The following PALM2AKAP2 variants were observed in gnomAD, a reference collection of about 807,000 sequenced individuals.
The protein encoded by PALM2AKAP2 is PALM2 and AKAP2 fusion.
Under a neutral mutation model 71.5 loss-of-function variants are expected in PALM2AKAP2, and 37 were observed. The observed-to-expected ratio is 0.52, with a 90% confidence interval of 0.40 to 0.68. PALM2AKAP2 has a LOEUF of 0.68. PALM2AKAP2 is among the 30% of genes least tolerant of loss of function. The pLI, the probability that PALM2AKAP2 is intolerant of heterozygous loss-of-function variation, is 0.00. For synonymous variants in PALM2AKAP2, 468 were observed against 478.8 expected, an observed-to-expected ratio of 0.98 and a Z score of 0.29; for missense variants, 1,224 against 1,191.8, an observed-to-expected ratio of 1.03 and a Z score of -0.40.
intron 6 of PALM2AKAP2, among the ~76,000 whole-genome samples, chr9:109,949,452 A>G (rs866684205): frequency 6.6e-6 from 1 of 152,242 alleles, no homozygotes; most frequent in Non-Finnish European, 1.5e-5. Flanking sequence ...GGCTGTAGAA[A>G]TGGAATATTT....
intron 1 of PALM2AKAP2, among the ~76,000 whole-genome samples, chr9:109,753,077 A>C (rs1828908033): frequency 6.6e-6 from 1 of 152,152 alleles, no homozygotes; most frequent in Non-Finnish European, 1.5e-5. Flanking sequence ...TTGGTGAACC[A>C]AGATGCCACT....
At chr9:109,712,153 T>G (rs544903917) in intron 1 of PALM2AKAP2, among the ~76,000 whole-genome samples, 6 of 152,262 alleles carry the variant, frequency 3.9e-5, no homozygotes, top group Non-Finnish European at 8.8e-5. Context: ...AATACAAGAG[T>G]CTTCTAAATC....
chr9:109,878,331 C>T (rs551990878), intron 2 of PALM2AKAP2, among the ~76,000 whole-genome samples: 6 of 152,260 alleles, frequency 3.9e-5, no homozygotes, highest in Admixed American at 6.5e-5. Context: ...TAGCTGTTTA[C>T]GCATATTGAG....
At chr9:109,780,908 G>T (rs1005228872) in intron 1 of PALM2AKAP2, among the ~76,000 whole-genome samples, 1 of 152,188 alleles carries the variant, frequency 6.6e-6, no homozygotes, top group African/African-American at 2.4e-5. Context: ...CCTGAACGGT[G>T]GCTGCCATCC....
chr9:109,702,486 G>A (rs1466657108), intron 1 of PALM2AKAP2, among the ~76,000 whole-genome samples: 2 of 151,392 alleles, frequency 1.3e-5, no homozygotes, highest in African/African-American at 2.4e-5. Context: ...GCAAACTATT[G>A]CAAGGACAAA....
chr9:109,876,825 T>G (rs566999852), intron 2 of PALM2AKAP2, among the ~76,000 whole-genome samples: 1 of 152,168 alleles, frequency 6.6e-6, no homozygotes, highest in Non-Finnish European at 1.5e-5. Flanking sequence ...TGGCTCCTCC[T>G]GTTGGGATGT....
rs200789861 is a variant in PALM2AKAP2, at chr9:110,137,039, C to T, written c.1069C>T (p.Arg357Cys). ...GGAGTCGCACAAAAAGTACAAGGAG[C>T]GCAAAGAGAGAAGGGCACAGCAGGA... The change falls in exon 2 of 4, where the codon CGC becomes TGC. Residue 357 changes from arginine (R) to cysteine (C), a missense_variant. Physicochemically the swap from Arg to Cys is radical, Grantham distance 180 (BLOSUM62 -3). Coordinates refer to ENST00000374525, the Ensembl canonical transcript of PALM2AKAP2. 2.5e-5 allele frequency: 41 copies of T among 1,614,088 alleles called. No individual in the cohort carries two copies. In the East Asian group the frequency reaches 4.2e-4, roughly 17 times the overall value.
In PALM2AKAP2 at chr9:109,891,672, G is replaced by A. The variant is rs368685033; in HGVS notation, c.257+10991G>A. ...TGCCAGGCTGATGTTTGTATTTTTC[G>A]TAATGATGGGGTTCCACCATGTTAG... is the stretch of plus-strand genomic sequence containing the variant. On this transcript the variant is annotated intron_variant, in intron 3 of 9. Coordinates refer to the PALM2AKAP2 transcript ENST00000302798. Among the ~76,000 whole-genome samples the A allele has an allele frequency of 7.9e-5, 12 of 152,232 alleles. No individual in the cohort carries two copies. In the East Asian group the frequency reaches 1.4e-3, roughly 17 times the overall value.
intron 1 of PALM2AKAP2, among the ~76,000 whole-genome samples, chr9:109,717,632 A>G (rs1481042238): frequency 2.0e-5 from 3 of 152,226 alleles, no homozygotes; most frequent in Non-Finnish European, 4.4e-5. Flanking sequence ...AGAAACAATT[A>G]TGAAAAGGTG....
intron 3 of PALM2AKAP2, 97 bp from the exon 10 acceptor site, chr9:110,161,997 C>A: frequency 1.3e-6 from 2 of 1,498,870 alleles, no homozygotes; most frequent in Non-Finnish European, 1.9e-6. Context: ...ACTTCCCCTC[C>A]CATCCTCTTC....
At chr9:109,710,549 T>A (rs934753799) in intron 1 of PALM2AKAP2, among the ~76,000 whole-genome samples, 3 of 152,232 alleles carry the variant, frequency 2.0e-5, no homozygotes, top group Non-Finnish European at 4.4e-5. Flanking sequence ...TCAGTTTTTT[T>A]CACCTGCAAG....
intron 1 of PALM2AKAP2, among the ~76,000 whole-genome samples, chr9:109,660,925 G>A (rs892734396): frequency 1.3e-5 from 2 of 152,168 alleles, no homozygotes; most frequent in African/African-American, 4.8e-5. Flanking sequence ...CAGTGATGAT[G>A]AGCATTTTTT....
Position 109,753,364 on chromosome 9 carries a change from C to T in PALM2AKAP2, c.6-27124C>T, listed in dbSNP as rs113759347. ...CCAGTTCTGCTCTAATAATGGGGGA[C>T]GGGGAAAAAGAGGGTGCCTCCTTCC... On this transcript the variant is annotated intron_variant, in intron 1 of 6. Coordinates refer to the PALM2AKAP2 transcript ENST00000374531. Among the ~76,000 whole-genome samples the T allele has an allele frequency of 9.3e-3, 1,421 of 152,024 alleles. 19 individuals are homozygous for T. The highest frequency in any genetic ancestry group is 0.032 in the African/African-American group (1,313 of 41,482).
chr9:110,079,298 C>G (rs1355799688), intron 1 of PALM2AKAP2, among the ~76,000 whole-genome samples: 1 of 152,006 alleles, frequency 6.6e-6, no homozygotes, highest in Non-Finnish European at 1.5e-5. Flanking sequence ...GGGATTGAGA[C>G]CAGCCTGGCC....
At chr9:109,805,703 G>A (rs147654467) in intron 1 of PALM2AKAP2, among the ~76,000 whole-genome samples, 5 of 152,284 alleles carry the variant, frequency 3.3e-5, no homozygotes, top group African/African-American at 7.2e-5. Context: ...AAGATGCAGC[G>A]ACTGAATAGA....
intron 1 of PALM2AKAP2, among the ~76,000 whole-genome samples, chr9:109,798,693 T>G (rs1273779077): frequency 6.6e-6 from 1 of 152,206 alleles, no homozygotes; most frequent in Non-Finnish European, 1.5e-5. Context: ...TAGGACCCAG[T>G]GTTGTGTCAC....
chr9:109,690,846 T>A (rs974348708), intron 1 of PALM2AKAP2, among the ~76,000 whole-genome samples: 1 of 152,190 alleles, frequency 6.6e-6, no homozygotes, highest in African/African-American at 2.4e-5. Context: ...CAATTTTACA[T>A]GTTTTTTGTT....
intron 6 of PALM2AKAP2, chr9:109,942,775 G>T: frequency 1.2e-6 from 2 of 1,614,140 alleles, no homozygotes; most frequent in South Asian, 2.2e-5. Context: ...CCCAGAGGGG[G>T]TCCATCAGAA....
intron 1 of PALM2AKAP2, among the ~76,000 whole-genome samples, chr9:109,747,404 G>A (rs531949907): frequency 6.6e-6 from 1 of 152,112 alleles, no homozygotes; most frequent in African/African-American, 2.4e-5. Flanking sequence ...TCTAGTAATG[G>A]TTAGCAAATT....
Sources: gnomAD v4.1 joint callset for allele counts (sites outside exome capture counted in the v4.1 genomes callset) on GRCh38, gnomAD v4.1.1 for gene constraint, MANE v1.5 for transcripts, NCBI Gene and HGNC (gene_info 2026-07-23, HGNC 2026-07-21) for gene names.